Variants in PSEN1 observed in about 807,000 individuals in gnomAD.
The protein encoded by PSEN1 is presenilin 1.
PSEN1 carries 15 observed loss-of-function variants against 53.5 expected under a neutral mutation model. The ratio of observed to expected loss-of-function variants is 0.28; its 90% CI spans 0.19 to 0.43. The LOEUF is 0.43. Among genes scored for constraint, PSEN1 ranks in the 20% least tolerant of loss-of-function variants. PSEN1 has a pLI of 1.00. For missense variants in PSEN1, 387 were observed against 571.2 expected (o/e 0.68, Z 3.29); for synonymous variants, 208 against 209.8 (o/e 0.99, Z 0.08).
In PSEN1 at chr14:73,191,291, G is replaced by T. The variant is rs17182181; in HGVS notation, c.549-1353G>T. Among the ~76,000 whole-genome samples the T allele has an allele frequency of 3.5e-3, 538 of 152,072 alleles. 1 individual carries two copies. The highest frequency in any genetic ancestry group is 5.8e-3 in the Non-Finnish European group (396 of 67,964). On this transcript the variant is annotated intron_variant, in intron 6 of 11. Transcript: ENST00000324501. ...CTCTCACACTACTTTGCATAAATGG[G>T]ATCATAAATGGGATCCTATATTTTT...
intron 3 of PSEN1, chr14:73,160,122 C>A: frequency 1.1e-5 from 2 of 181,816 alleles, no homozygotes; most frequent in Non-Finnish European, 2.5e-5. Flanking sequence ...TCATGCCCAG[C>A]TGGCTAGATA....
chr14:73,192,970 C>A, intron 7 of PSEN1, 106 bp downstream of exon 7: 1 of 872,472 alleles, frequency 1.1e-6, no homozygotes, highest in Non-Finnish European at 1.9e-6. Flanking sequence ...ACGTGTACAT[C>A]CCATAACTCT....
intron 7 of PSEN1, among the ~76,000 whole-genome samples, chr14:73,195,251 C>T (rs953124753): frequency 4.0e-5 from 6 of 151,862 alleles, no homozygotes; most frequent in Non-Finnish European, 7.4e-5. Context: ...CAGCTCACTA[C>T]AACCTCTCCC....
intron 5 of PSEN1, among the ~76,000 whole-genome samples, chr14:73,184,291 G>A (rs1293848167): frequency 9.2e-5 from 8 of 87,376 alleles, no homozygotes; most frequent in South Asian, 7.6e-4. Context: ...GCGGCTGGCC[G>A]GGCGGGGGGC....
chr14:73,202,899 C>T (rs1899289813), intron 8 of PSEN1, among the ~76,000 whole-genome samples: 1 of 152,144 alleles, frequency 6.6e-6, no homozygotes, highest in Non-Finnish European at 1.5e-5. Flanking sequence ...TTAATAACCA[C>T]AGAATATGAG....
At chr14:73,143,331 G>A (rs1480117421) in intron 1 of PSEN1, among the ~76,000 whole-genome samples, 5 of 152,168 alleles carry the variant, frequency 3.3e-5, no homozygotes, top group Non-Finnish European at 7.4e-5. Flanking sequence ...ATCTTTGGAA[G>A]CATCAAGGGA....
rs527356802 is a variant in PSEN1 at position 73,160,448 on chromosome 14, G to T, written c.88-10349G>T. ...ATAAATGGGATTGCTGGGTCATATGGTAGTTTAATTTTTTGAGGAACCTCC... is the reference window on the plus strand; with the variant it reads ...ATAAATGGGATTGCTGGGTCATATGTTAGTTTAATTTTTTGAGGAACCTCC... On this transcript the variant is annotated intron_variant, in intron 3 of 11. Coordinates refer to ENST00000324501, the MANE Select transcript of PSEN1 (RefSeq NM_000021.4). Among the ~76,000 whole-genome samples the T allele has an allele frequency of 7.2e-5, 11 of 152,252 alleles. No individual in the cohort carries two copies. In the South Asian group the frequency reaches 2.3e-3, roughly 32 times the overall value.
At chr14:73,154,355 T>G (rs548858449) in intron 3 of PSEN1, among the ~76,000 whole-genome samples, 1 of 152,106 alleles carries the variant, frequency 6.6e-6, no homozygotes, top group South Asian at 2.1e-4. Flanking sequence ...CCTAGTACTT[T>G]GGGAGGCTGA....
chr14:73,214,264 C>G (rs557806863), intron 10 of PSEN1, among the ~76,000 whole-genome samples: 23 of 152,294 alleles, frequency 1.5e-4, no homozygotes, highest in Middle Eastern at 3.4e-3. Flanking sequence ...CGCAGTGGCT[C>G]AAGCACCTGT....
At chr14:73,140,606 A>C (rs1896898161) in intron 1 of PSEN1, among the ~76,000 whole-genome samples, 1 of 152,056 alleles carries the variant, frequency 6.6e-6, no homozygotes, top group Non-Finnish European at 1.5e-5. Flanking sequence ...TTGTTTCACT[A>C]TAGCTTAATA....
chr14:73,141,691 A>G (rs1031514889), intron 1 of PSEN1, among the ~76,000 whole-genome samples: 2 of 152,192 alleles, frequency 1.3e-5, no homozygotes, highest in East Asian at 1.9e-4. Flanking sequence ...AGGCTGAGGC[A>G]GGAGAATTGC....
intron 9 of PSEN1, among the ~76,000 whole-genome samples, chr14:73,209,244 C>T (rs1479424941): frequency 6.6e-6 from 1 of 152,224 alleles, no homozygotes; most frequent in East Asian, 1.9e-4. Context: ...CTCCTGCCAG[C>T]TCACAGAGCA....
chr14:73,150,113 T>C (rs1897174848), intron 3 of PSEN1, among the ~76,000 whole-genome samples: 1 of 152,224 alleles, frequency 6.6e-6, no homozygotes, highest in South Asian at 2.1e-4. Flanking sequence ...ACAGAAAGTA[T>C]GGCACATAAT....
intron 3 of PSEN1, among the ~76,000 whole-genome samples, chr14:73,165,702 C>T (rs1214848839): frequency 6.8e-6 from 1 of 146,982 alleles, no homozygotes; most frequent in East Asian, 2.0e-4. Flanking sequence ...GAGCCGAGAT[C>T]GCACCATTGC....
intron 9 of PSEN1, among the ~76,000 whole-genome samples, chr14:73,208,209 A>AG: frequency 6.6e-6 from 1 of 152,156 alleles, no homozygotes; most frequent in Admixed American, 6.5e-5. Flanking sequence ...CAACGTGGCA[A>AG]GTGGGGGGCA....
intron 8 of PSEN1, among the ~76,000 whole-genome samples, chr14:73,199,284 G>C (rs1445790408): frequency 2.0e-5 from 3 of 152,042 alleles, no homozygotes; most frequent in Admixed American, 2.0e-4. Context: ...GAGCTGGTGA[G>C]CAATTCAAAT....
At chr14:73,188,344 T>G (rs537979644) in intron 6 of PSEN1, among the ~76,000 whole-genome samples, 22 of 152,364 alleles carry the variant, frequency 1.4e-4, no homozygotes, top group African/African-American at 5.3e-4. Context: ...ATTCCTGTTC[T>G]TGATCAGATT....
intron 10 of PSEN1, 108 bp from the exon 11 acceptor site, chr14:73,217,018 G>T: frequency 8.1e-7 from 1 of 1,228,746 alleles, no homozygotes; most frequent in South Asian, 1.2e-5. Flanking sequence ...ATCATTTACT[G>T]ACTTCTCTCA....
intron 7 of PSEN1, among the ~76,000 whole-genome samples, chr14:73,194,250 C>CTT (rs576515346): frequency 1.2e-3 from 176 of 146,492 alleles, no homozygotes; most frequent in African/African-American, 4.3e-3. Context: ...TTTTTTTTTT[C>CTT]TTTTTGTTTT....
Sources: allele counts gnomAD v4.1 joint callset (sites outside exome capture counted in the v4.1 genomes callset), GRCh38; gene constraint gnomAD v4.1.1; transcripts MANE v1.5; gene names NCBI Gene and HGNC (gene_info 2026-07-23, HGNC 2026-07-21).